The following IGDCC4 variants were observed in gnomAD, a reference collection of about 807,000 sequenced individuals.
IGDCC4 encodes the protein immunoglobulin superfamily DCC subclass member 4.
A neutral mutation model predicts 116.6 loss-of-function variants in IGDCC4; 72 were observed. The ratio of observed to expected loss-of-function variants is 0.62; its 90% CI spans 0.51 to 0.75. IGDCC4 has a LOEUF of 0.75. Among genes scored for constraint, IGDCC4 ranks in the 30% least tolerant of loss-of-function variants. IGDCC4 has a pLI of 0.00. For missense variants in IGDCC4, 1,501 were observed against 1,662.4 expected (o/e 0.90, Z 1.69); for synonymous variants, 709 against 719.9 (o/e 0.98, Z 0.24).
At position 65,395,895 on chromosome 15, in the gene IGDCC4, C is replaced by T. The variant is rs748942160; in HGVS notation, c.1266G>A (p.Val422=). The change falls in exon 7 of 20, where the codon GTG becomes GTA. Residue 422 remains valine (V), a synonymous_variant. Coordinates refer to ENST00000352385, the MANE Select transcript of IGDCC4 (RefSeq NM_020962.3). The stretch of plus-strand genomic sequence containing the variant: ...CGCTGGGCAGCCCCTCGCGCACCAC[C>T]ACGGCCAGCGACGCGGCAGCGCACG... The part of the protein sequence containing the change: ...GMACAAASLA[V]VVREGLPSAP... 4 of 1,589,794 alleles carry T rather than the reference C, an allele frequency of 2.5e-6. No homozygotes were observed. The highest frequency in any genetic ancestry group is 3.4e-5 in the Admixed American group (2 of 59,246).
At chr15:65,388,183 G>A (rs1247265437) in intron 16 of IGDCC4, among the ~76,000 whole-genome samples, 1 of 151,440 alleles carries the variant, frequency 6.6e-6, no homozygotes, top group Non-Finnish European at 1.5e-5. Flanking sequence ...GGCGGAGGTT[G>A]CAGTGAGCCG....
Position 65,411,327 on chromosome 15 carries a change from A to G in IGDCC4, c.114T>C (p.Cys38=), listed in dbSNP as rs146104347. Residue 38 remains cysteine, a synonymous_variant, in exon 2 of 20, where the codon TGT becomes TGC. Coordinates refer to ENST00000352385, the MANE Select transcript of IGDCC4 (RefSeq NM_020962.3). ...LPQETTVELS[C]GVGPLQVILG... is the part of the protein sequence containing the mutation. ...GGATCACTTGCAGTGGCCCCACTCC[A>G]CAGCTCAGCTCCACAGTCGTCTCCT... The G allele has an allele frequency of 2.2e-4, 348 of 1,602,322 alleles. 2 individuals carry two copies. The African/African-American group carries it at 4.2e-3, about 19-fold the overall frequency.
In IGDCC4 at chr15:65,390,141, G is replaced by C. The variant is rs2091499543; in HGVS notation, c.2408+14C>G. 1 of 1,559,774 alleles carries C rather than the reference G, an allele frequency of 6.4e-7. No homozygotes were observed. The highest frequency in any genetic ancestry group is 8.8e-7 in the Non-Finnish European group (1 of 1,140,798). On this transcript the variant is annotated intron_variant, in intron 13 of 19. Coordinates refer to ENST00000352385, the MANE Select transcript of IGDCC4 (RefSeq NM_020962.3). ...TCCTCCCTTCTTTACATTAGTAAAG[G>C]CATTAGTCCCCACCTGGTGTAATAG... is the stretch of plus-strand genomic sequence containing the variant.
chr15:65,416,951 C>A (rs1398812888), intron 1 of IGDCC4, among the ~76,000 whole-genome samples: 2 of 151,952 alleles, frequency 1.3e-5, no homozygotes, highest in Non-Finnish European at 2.9e-5. Context: ...TTAGTGGAGG[C>A]CTGGCGTGAG....
chr15:65,392,068 C>T (rs965086381), intron 11 of IGDCC4, 66 bp downstream of exon 11: 8 of 1,542,378 alleles, frequency 5.2e-6, no homozygotes, highest in Non-Finnish European at 7.0e-6. Context: ...CTAACTTCTT[C>T]ACACAACTTG....
Position 65,384,002 on chromosome 15 carries a change from GGAAGAGC to G in IGDCC4, c.3753_*6del. 6.4e-7 allele frequency: 1 copy of G among 1,569,174 alleles called. No individual in the cohort carries two copies. The highest frequency in any genetic ancestry group is 8.7e-7 in the Non-Finnish European group (1 of 1,152,622). Reference sequence around the variant, plus strand: ...TGCCTGCCCCAAACCACATCCTCTGGGAAGAGCTAGGCAGAGGAGGAGACCGGGGATC... The same window carrying G: ...TGCCTGCCCCAAACCACATCCTCTGGTAGGCAGAGGAGGAGACCGGGGATC... On this transcript the variant is annotated stop_lost and 3_prime_UTR_variant, in exon 20 of 20. Transcript: ENST00000352385. The surrounding 1 kb of genome is among the most constrained non-coding windows in gnomAD (Gnocchi z 4.9).
chr15:65,408,868 C>A (rs1335657137), intron 3 of IGDCC4, among the ~76,000 whole-genome samples: 1 of 133,764 alleles, frequency 7.5e-6, no homozygotes, highest in Non-Finnish European at 1.5e-5. Flanking sequence ...GAGACAGGGT[C>A]TCGGTGTGTC....
At position 65,383,820 on chromosome 15, in the gene IGDCC4, G is replaced by C. The variant is rs2091424956; in HGVS notation, c.*189C>G. ...CTCGTATGTCTTTCACATGTCACAT[G>C]TGTATCACAAAGAGTATGGGGGGAG... On this transcript the variant is annotated 3_prime_UTR_variant, in exon 20 of 20. Coordinates refer to ENST00000352385, the MANE Select transcript of IGDCC4 (RefSeq NM_020962.3). 1.9e-6 allele frequency: 1 copy of C among 515,186 alleles called. No individual in the cohort carries two copies. The highest frequency in any genetic ancestry group is 3.5e-5 in the South Asian group (1 of 28,650). The allele number at this position is 515,186 out of a possible 1,614,324, so 31.9% of individuals were successfully genotyped here.
chr15:65,412,511 CAAAAAAAAA>C (rs3082805), intron 1 of IGDCC4, among the ~76,000 whole-genome samples: 25 of 16,716 alleles, frequency 1.5e-3, no homozygotes, highest in African/African-American at 4.6e-3. Context: ...GATTCCATCT[CAAAAAAAAA>C]AAAAAAAAAA....
intron 1 of IGDCC4, among the ~76,000 whole-genome samples, chr15:65,418,292 C>A (rs1433570734): frequency 6.6e-6 from 1 of 152,174 alleles, no homozygotes; most frequent in Non-Finnish European, 1.5e-5. Context: ...CTGGGGAGAT[C>A]ACTACCTTGC....
At chr15:65,410,725 A>C in intron 2 of IGDCC4, 1 of 474,356 alleles carries the variant, frequency 2.1e-6, no homozygotes, top group East Asian at 3.7e-5. Flanking sequence ...CTCTGACACA[A>C]AGGGGGCACT....
Position 65,384,443 on chromosome 15 carries a change from G to T in IGDCC4, c.3343-24C>A. ...CCCTGATCAGAGCAGAGAACACAAA[G>T]ACAAAGTGACCATTACTGAGAGTAA... On this transcript the variant is annotated intron_variant, in intron 19 of 19. Transcript: ENST00000352385. This position sits in a 1 kb window ranked among gnomAD's most constrained non-coding sequence, Gnocchi z 4.9. 1 of 1,484,568 alleles carries T rather than the reference G, an allele frequency of 6.7e-7. No individual in the cohort carries two copies. Among genetic ancestry groups the T allele is most frequent in the African/African-American group, 1.4e-5 (1 of 71,406 alleles). The allele number at this position is 1,484,568 out of a possible 1,614,324, so 92.0% of individuals were successfully genotyped here. A position where few individuals can be genotyped will look rare whatever the true frequency, so the allele number is the denominator to read the frequency against.
At chr15:65,396,216 G>GCCCCTC in intron 6 of IGDCC4, 53 bp from the exon 7 acceptor site, 1 of 1,188,158 alleles carries the variant, frequency 8.4e-7, no homozygotes, top group Non-Finnish European at 1.1e-6. Flanking sequence ...TAAGGTCTCT[G>GCCCCTC]CCCCCCCCCC....
rs1178311295 is a variant in IGDCC4, at chr15:65,382,526, A to C, written c.*1483T>G. 6.6e-6 allele frequency: 1 copy of C among 152,550 alleles called. No individual in the cohort carries two copies. Among genetic ancestry groups the C allele is most frequent in the Non-Finnish European group, 1.5e-5 (1 of 68,034 alleles). The allele number at this position is 152,550 out of a possible 1,614,324, so 9.4% of individuals were successfully genotyped here. On this transcript the variant is annotated 3_prime_UTR_variant, in exon 20 of 20. Coordinates refer to ENST00000352385, the MANE Select transcript of IGDCC4 (RefSeq NM_020962.3). ...TAGGGAGTAAAGACCCTAACATTCTATGCTCCTATGAGAGGGCTGAGGTGA... is the reference window on the plus strand; with the variant it reads ...TAGGGAGTAAAGACCCTAACATTCTCTGCTCCTATGAGAGGGCTGAGGTGA...
chr15:65,392,317 C>G lies in IGDCC4; in HGVS notation c.1939G>C (p.Val647Leu), dbSNP rs373976279. Residue 647 changes from valine (V) to leucine (L), a missense_variant, in exon 11 of 20, where the codon GTG becomes CTG. By Grantham distance (32) the Val-to-Leu change is conservative. Transcript: ENST00000352385. ...GGGTGAGGGGGTGGCTGCCATGACA[C>G]GACCAGGGACTCCATCTTTGCCTGC... is the stretch of plus-strand genomic sequence containing the variant. ...KVQAKMESLV[V>L]SWQPPPHPTQ... The G allele has an allele frequency of 1.3e-6, 2 of 1,586,072 alleles. No homozygotes were observed. The highest frequency in any genetic ancestry group is 2.3e-5 in the South Asian group (2 of 87,496).
intron 4 of IGDCC4, among the ~76,000 whole-genome samples, chr15:65,401,177 T>C (rs555263302): frequency 6.6e-6 from 1 of 152,236 alleles, no homozygotes; most frequent in East Asian, 1.9e-4. Context: ...ACCAGAGAAA[T>C]GATTAGACAG....
chr15:65,420,841 G>A (rs764180356), intron 1 of IGDCC4, among the ~76,000 whole-genome samples: 3 of 152,130 alleles, frequency 2.0e-5, no homozygotes, highest in Non-Finnish European at 2.9e-5. Context: ...CCAGATCGGT[G>A]TAGGAGCCCC....
At chr15:65,410,975 A>G in intron 2 of IGDCC4, 45 bp downstream of exon 2, 2 of 1,511,314 alleles carry the variant, frequency 1.3e-6, no homozygotes, top group Admixed American at 1.9e-5. Flanking sequence ...GCACACCCCA[A>G]GTCTGGGTTT....
intron 16 of IGDCC4, among the ~76,000 whole-genome samples, chr15:65,386,883 C>T (rs1304428504): frequency 6.6e-6 from 1 of 152,224 alleles, no homozygotes; most frequent in Non-Finnish European, 1.5e-5. Flanking sequence ...TATGGTCTCT[C>T]TGCCTCAAAC....
Sources: allele counts gnomAD v4.1 joint callset (sites outside exome capture counted in the v4.1 genomes callset), GRCh38; gene constraint gnomAD v4.1.1; non-coding constraint Gnocchi (gnomAD v3.1); transcripts MANE v1.5; gene names NCBI Gene and HGNC (gene_info 2026-07-23, HGNC 2026-07-21).